Variants in SGCD observed in about 807,000 individuals in gnomAD.
The protein encoded by SGCD is delta-sarcoglycan.
In SGCD, 18 loss-of-function variants were observed where a neutral mutation model predicts 36.6. That is an observed-to-expected ratio of 0.49 (90% CI 0.34 to 0.73). The LOEUF (loss-of-function observed/expected upper bound fraction) is 0.73, where lower values mean the gene tolerates loss of function less well. SGCD is among the 30% of genes least tolerant of loss of function. The pLI is 0.01. For missense variants in SGCD, 387 were observed against 346.7 expected, an observed-to-expected ratio of 1.12 and a Z score of -0.92; for synonymous variants, 133 against 130.6, an observed-to-expected ratio of 1.02 and a Z score of -0.12.
chr5:156,004,774 C>G (rs1247304038), intron 1 of SGCD, among the ~76,000 whole-genome samples: 1 of 152,178 alleles, frequency 6.6e-6, no homozygotes, highest in Non-Finnish European at 1.5e-5. Flanking sequence ...GGTAAATGAG[C>G]CTACCCTTTA....
chr5:155,847,566 G>A, the SGCD span, among the ~76,000 whole-genome samples: 88 of 152,202 alleles, frequency 5.8e-4, no homozygotes, highest in African/African-American at 8.4e-4. Flanking sequence ...AAATAATGGC[G>A]GGGCATTCTG....
chr5:156,121,046 G>C (rs144950030), intron 2 of SGCD, among the ~76,000 whole-genome samples: 2 of 152,250 alleles, frequency 1.3e-5, no homozygotes, highest in Non-Finnish European at 2.9e-5. Context: ...GCCCAGGAAT[G>C]TGGGGGCAGC....
At chr5:156,604,012 A>G (rs1210517157) in intron 6 of SGCD, among the ~76,000 whole-genome samples, 1 of 151,784 alleles carries the variant, frequency 6.6e-6, no homozygotes, top group Admixed American at 6.6e-5. Flanking sequence ...TTCTACTATT[A>G]CTGTTTTGGA....
intron 1 of SGCD, among the ~76,000 whole-genome samples, chr5:156,008,888 TTAAA>T (rs1758804292): frequency 6.6e-6 from 1 of 152,344 alleles, no homozygotes; most frequent in Non-Finnish European, 1.5e-5. Flanking sequence ...CATTAATGAA[TTAAA>T]TAAAATCTTC....
chr5:156,560,612 G>A (rs11951275), intron 4 of SGCD, among the ~76,000 whole-genome samples: 6,565 of 152,214 alleles, frequency 0.043, 476 homozygotes, highest in African/African-American at 0.15. Context: ...TTTACAACCC[G>A]TTAGTAAGGT....
chr5:156,276,789 A>T (rs1248901986), intron 3 of SGCD, among the ~76,000 whole-genome samples: 2 of 152,240 alleles, frequency 1.3e-5, no homozygotes, highest in Admixed American at 1.3e-4. Flanking sequence ...AATAATAAAA[A>T]TGTATACATT....
intron 3 of SGCD, among the ~76,000 whole-genome samples, chr5:156,276,686 G>A (rs781118882): frequency 1.7e-4 from 26 of 151,924 alleles, no homozygotes; most frequent in Admixed American, 1.6e-3. Flanking sequence ...TACTGTTCTG[G>A]AAACATGGTC....
chr5:155,943,510 A>T (rs1320678805), intron 1 of SGCD, among the ~76,000 whole-genome samples: 1 of 152,166 alleles, frequency 6.6e-6, no homozygotes. Context: ...ATAAGACATG[A>T]TGGTTGTTAT....
chr5:156,767,191 T>G lies in SGCD; in HGVS notation c.*7801T>G, dbSNP rs1018571584. On this transcript the variant is annotated 3_prime_UTR_variant, in exon 9 of 9. Coordinates refer to ENST00000337851, the MANE Select transcript of SGCD (RefSeq NM_000337.6). Reference sequence around the variant, plus strand: ...GAAGAGATGCAAGATTCTAGAAAAGTAAAGGGAAGTGTCGGCACATCTAAA... The same window carrying G: ...GAAGAGATGCAAGATTCTAGAAAAGGAAAGGGAAGTGTCGGCACATCTAAA... 5 of 152,132 alleles carry G rather than the reference T, an allele frequency of 3.3e-5. No individual in the cohort carries two copies. The highest frequency in any genetic ancestry group is 3.3e-4 in the Admixed American group (5 of 15,276). The allele number at this position is 152,132 out of a possible 1,614,324, so 9.4% of individuals were successfully genotyped here.
At chr5:156,579,656 C>T (rs1232400855) in intron 4 of SGCD, among the ~76,000 whole-genome samples, 2 of 152,186 alleles carry the variant, frequency 1.3e-5, no homozygotes, top group Non-Finnish European at 1.5e-5. Context: ...GATCCCTTTA[C>T]CATTATGTAA....
At chr5:156,357,156 G>A (rs1036199961) in intron 3 of SGCD, among the ~76,000 whole-genome samples, 8 of 152,188 alleles carry the variant, frequency 5.3e-5, no homozygotes, top group African/African-American at 1.9e-4. Context: ...TAAGCGTGCA[G>A]TCACCACACC....
At chr5:155,945,590 C>T (rs1757422047) in intron 1 of SGCD, among the ~76,000 whole-genome samples, 1 of 152,166 alleles carries the variant, frequency 6.6e-6, no homozygotes, top group Non-Finnish European at 1.5e-5. Flanking sequence ...GGGAAGACTT[C>T]TCTCATGATT....
At chr5:156,412,361 A>T (rs1185218755) in intron 3 of SGCD, among the ~76,000 whole-genome samples, 1 of 152,268 alleles carries the variant, frequency 6.6e-6, no homozygotes, top group Non-Finnish European at 1.5e-5. Flanking sequence ...GTATTTGAAT[A>T]CAATCAAATG....
At chr5:156,455,401 AC>A (rs1754211106) in intron 3 of SGCD, among the ~76,000 whole-genome samples, 1 of 151,566 alleles carries the variant, frequency 6.6e-6, no homozygotes, top group Non-Finnish European at 1.5e-5. Context: ...TTCCCCAGGT[AC>A]CTTTGCTGAG....
At chr5:156,379,744 G>A (rs1000923466) in intron 3 of SGCD, among the ~76,000 whole-genome samples, 2 of 152,128 alleles carry the variant, frequency 1.3e-5, no homozygotes, top group African/African-American at 4.8e-5. Flanking sequence ...CCAAAGTGAC[G>A]GTGAAGTAGA....
At chr5:156,317,932 CTG>C (rs1431030130) in intron 3 of SGCD, among the ~76,000 whole-genome samples, 1 of 152,184 alleles carries the variant, frequency 6.6e-6, no homozygotes, top group Non-Finnish European at 1.5e-5. Flanking sequence ...ATTTATCTAA[CTG>C]TAAACCCTTG....
intron 3 of SGCD, among the ~76,000 whole-genome samples, chr5:156,280,928 G>T (rs932403211): frequency 6.6e-6 from 1 of 152,134 alleles, no homozygotes; most frequent in Non-Finnish European, 1.5e-5. Context: ...ATAGAGCAAG[G>T]TTGCTTAATT....
intron 3 of SGCD, among the ~76,000 whole-genome samples, chr5:156,487,698 G>C (rs1490019372): frequency 5.6e-5 from 8 of 143,932 alleles, no homozygotes; most frequent in East Asian, 2.3e-4. Flanking sequence ...TGAGGCAGGA[G>C]AATTGCTTGA....
chr5:155,954,532 A>C (rs931602499), intron 1 of SGCD, among the ~76,000 whole-genome samples: 5 of 152,082 alleles, frequency 3.3e-5, no homozygotes, highest in South Asian at 4.1e-4. Context: ...AACAAGGATA[A>C]AAACTATCAT....
Sources: allele counts gnomAD v4.1 joint callset (sites outside exome capture counted in the v4.1 genomes callset), GRCh38; gene constraint gnomAD v4.1.1; transcripts MANE v1.5; gene names NCBI Gene and HGNC (gene_info 2026-07-23, HGNC 2026-07-21).